Variants in GALNT9 observed in about 807,000 individuals in gnomAD.
GALNT9 encodes the protein polypeptide N-acetylgalactosaminyltransferase 9.
GALNT9 carries 47 observed loss-of-function variants against 63.1 expected under a neutral mutation model. The ratio of observed to expected loss-of-function variants is 0.75; its 90% CI spans 0.59 to 0.95. The LOEUF (loss-of-function observed/expected upper bound fraction) is 0.95. GALNT9 is among the 40% of genes least tolerant of loss of function. The pLI is 0.00. For synonymous variants in GALNT9, 396 were observed against 365.7 expected, an observed-to-expected ratio of 1.08 and a Z score of -0.94; for missense variants, 829 against 874.8, an observed-to-expected ratio of 0.95 and a Z score of 0.66.
Position 132,297,385 on chromosome 12 carries a change from C to T in GALNT9, c.239-10955G>A, listed in dbSNP as rs1163872085. ...ACTCCCGAGATAACCAACTCACTCC[C>T]ATGATAACCAACTCACTCCTACAAT... On this transcript the variant is annotated intron_variant, in intron 1 of 10. Coordinates refer to ENST00000328957, the MANE Select transcript of GALNT9 (RefSeq NM_001122636.2). Among the ~76,000 whole-genome samples, 9 of 151,242 alleles carry T rather than the reference C, an allele frequency of 6.0e-5. No individual in the cohort carries two copies. In the East Asian group the frequency reaches 1.8e-3, roughly 30 times the overall value.
At chr12:132,262,182 C>T (rs1280592990) in intron 3 of GALNT9, among the ~76,000 whole-genome samples, 1 of 152,188 alleles carries the variant, frequency 6.6e-6, no homozygotes, top group African/African-American at 2.4e-5. Context: ...TGTGTCTAGT[C>T]TGGGTCCTCA....
At chr12:132,292,816 C>T (rs1220240810) in intron 1 of GALNT9, among the ~76,000 whole-genome samples, 1 of 152,140 alleles carries the variant, frequency 6.6e-6, no homozygotes, top group African/African-American at 2.4e-5. Context: ...GACGGGAAGT[C>T]TGGACCACCG....
chr12:132,260,107 G>GC (rs1555239581), intron 4 of GALNT9, among the ~76,000 whole-genome samples: 3 of 151,886 alleles, frequency 2.0e-5, no homozygotes, highest in Admixed American at 2.0e-4. Flanking sequence ...TTTGGGGTTT[G>GC]CCTGGGGGCA....
intron 1 of GALNT9, among the ~76,000 whole-genome samples, chr12:132,303,233 G>C (rs1555244022): frequency 6.6e-6 from 1 of 151,926 alleles, no homozygotes; most frequent in African/African-American, 2.4e-5. Flanking sequence ...CGCCCTGAGT[G>C]GATTCGTCAC....
intron 1 of GALNT9, among the ~76,000 whole-genome samples, chr12:132,305,557 C>T (rs1185895681): frequency 3.4e-5 from 5 of 148,088 alleles, no homozygotes; most frequent in South Asian, 2.1e-4. Context: ...ACACCCTCAC[C>T]GGGGCACACC....
intron 3 of GALNT9, among the ~76,000 whole-genome samples, chr12:132,261,363 C>T (rs555697259): frequency 6.7e-6 from 1 of 150,114 alleles, no homozygotes; most frequent in East Asian, 2.3e-4. Context: ...GACAGACAGA[C>T]AGACAGAGAG....
intron 1 of GALNT9, among the ~76,000 whole-genome samples, chr12:132,295,016 C>G (rs1449010540): frequency 6.6e-6 from 1 of 152,244 alleles, no homozygotes; most frequent in African/African-American, 2.4e-5. Flanking sequence ...TGTGGAGACG[C>G]CCGGCCTGCG....
intron 2 of GALNT9, among the ~76,000 whole-genome samples, chr12:132,269,222 C>A (rs1442207902): frequency 2.0e-5 from 3 of 151,720 alleles, no homozygotes; most frequent in Non-Finnish European, 4.4e-5. Flanking sequence ...GCGTCACCTG[C>A]CCGACTGCGG....
At chr12:132,224,881 ACCACACAAT>A (rs1471764847) in intron 6 of GALNT9, among the ~76,000 whole-genome samples, 2 of 145,144 alleles carry the variant, frequency 1.4e-5, no homozygotes, top group Admixed American at 1.4e-4. Flanking sequence ...CCCCACACAT[ACCACACAAT>A]CCACACTGCA....
At chr12:132,298,751 CCACACCTAACCCACCCCCAA>C (rs1310759042) in intron 1 of GALNT9, among the ~76,000 whole-genome samples, 5 of 150,374 alleles carry the variant, frequency 3.3e-5, no homozygotes, top group African/African-American at 4.9e-5. Flanking sequence ...CCCACTCCCA[CCACACCTAACCCACCCCCAA>C]CACACCTAAC....
At chr12:132,222,303 C>T (rs531293997) in intron 6 of GALNT9, among the ~76,000 whole-genome samples, 58 of 152,222 alleles carry the variant, frequency 3.8e-4, no homozygotes, top group Non-Finnish European at 7.1e-4. Flanking sequence ...CCAGGCCAGG[C>T]GCAGTGGCTC....
At chr12:132,321,163 A>G (rs1868768193) in intron 1 of GALNT9, among the ~76,000 whole-genome samples, 1 of 152,046 alleles carries the variant, frequency 6.6e-6, no homozygotes, top group Admixed American at 6.5e-5. Context: ...GCCCTGACTG[A>G]GGGTGCCTGT....
At chr12:132,300,757 A>C (rs1881264551) in intron 1 of GALNT9, among the ~76,000 whole-genome samples, 1 of 148,634 alleles carries the variant, frequency 6.7e-6, no homozygotes, top group African/African-American at 2.5e-5. Context: ...CTCCTGAGAT[A>C]ACTCACTCCC....
chr12:132,245,519 C>T lies in GALNT9; in HGVS notation c.1077+2391G>A, dbSNP rs917748224. Among the ~76,000 whole-genome samples the T allele has an allele frequency of 2.6e-5, 4 of 151,242 alleles. No homozygotes were observed. In the East Asian group the frequency reaches 5.8e-4, roughly 22 times the overall value. Reference sequence around the variant, plus strand: ...GCTGCAGCCAGGGCCCTCTGTGGTCCGGCACCCACACCCCCAGCCCAGCCT... The same window carrying T: ...GCTGCAGCCAGGGCCCTCTGTGGTCTGGCACCCACACCCCCAGCCCAGCCT... On this transcript the variant is annotated intron_variant, in intron 6 of 10. Transcript: ENST00000328957. The surrounding 1 kb of genome is among the most constrained non-coding windows in gnomAD (Gnocchi z 6.3).
intron 6 of GALNT9, among the ~76,000 whole-genome samples, chr12:132,228,134 C>T (rs1210006936): frequency 6.6e-6 from 1 of 152,074 alleles, no homozygotes; most frequent in Non-Finnish European, 1.5e-5. Flanking sequence ...TGGAACAAGC[C>T]CTTGGACAAA....
At chr12:132,203,282 G>A (rs1312948368) in intron 7 of GALNT9, among the ~76,000 whole-genome samples, 1 of 152,106 alleles carries the variant, frequency 6.6e-6, no homozygotes, top group African/African-American at 2.4e-5. Flanking sequence ...CACCGGGGTG[G>A]GTGTGAGCTG....
At chr12:132,224,814 C>A (rs1877585461) in intron 6 of GALNT9, among the ~76,000 whole-genome samples, 2 of 142,592 alleles carry the variant, frequency 1.4e-5, no homozygotes, top group Non-Finnish European at 3.1e-5. Context: ...CACACACATA[C>A]ACACCCTCCC....
Position 132,293,408 on chromosome 12 carries a change from C to T in GALNT9, c.239-6978G>A, listed in dbSNP as rs569911566. ...TAACTTGGTTTTCCATGTGTTTCTG[C>T]ATAAAGATGCCTTATTTAATACCTA... is the stretch of plus-strand genomic sequence containing the variant. On this transcript the variant is annotated intron_variant, in intron 1 of 10. Transcript: ENST00000328957. 2.0e-5 allele frequency among the ~76,000 whole-genome samples: 3 copies of T among 152,334 alleles called. No homozygotes were observed. The South Asian group carries it at 6.2e-4, about 32-fold the overall frequency.
chr12:132,301,893 G>C (rs539296801), intron 1 of GALNT9, among the ~76,000 whole-genome samples: 1 of 152,226 alleles, frequency 6.6e-6, no homozygotes, highest in Admixed American at 6.5e-5. Flanking sequence ...CTTCTGTGCC[G>C]TCAGAGGTAG....
Sources: gnomAD v4.1 joint callset for allele counts (sites outside exome capture counted in the v4.1 genomes callset) on GRCh38, gnomAD v4.1.1 for gene constraint, Gnocchi (gnomAD v3.1) non-coding constraint, MANE v1.5 for transcripts, NCBI Gene and HGNC (gene_info 2026-07-23, HGNC 2026-07-21) for gene names.